Variants in MALRD1 observed in about 807,000 individuals in gnomAD.
The protein encoded by MALRD1 is MAM and LDL receptor class A domain containing 1, also known as MAM and LDL-receptor class A domain-containing protein 1.
A neutral mutation model predicts 242.1 loss-of-function variants in MALRD1; 247 were observed. The observed-to-expected ratio is 1.02, with a 90% confidence interval of 0.92 to 1.13. The LOEUF (loss-of-function observed/expected upper bound fraction) is 1.13. Among genes scored for constraint, MALRD1 ranks in the 50% most tolerant of loss-of-function variants. The pLI is 0.00. For synonymous variants in MALRD1, 995 were observed against 866.6 expected (o/e 1.15, Z -2.60); for missense variants, 2,989 against 2,533.1 (o/e 1.18, Z -3.86).
intron 19 of MALRD1, among the ~76,000 whole-genome samples, chr10:19,264,487 T>G (rs1468253467): frequency 6.7e-6 from 1 of 150,334 alleles, no homozygotes; most frequent in Non-Finnish European, 1.5e-5. Context: ...GGAGTCTTGC[T>G]CTGTCGCCCA....
chr10:19,050,860 G>A (rs1336973748), intron 1 of MALRD1, among the ~76,000 whole-genome samples: 3 of 152,162 alleles, frequency 2.0e-5, no homozygotes, highest in African/African-American at 4.8e-5. Flanking sequence ...CTGTGATAAC[G>A]TGCATGGTCC....
At chr10:19,573,612 C>T (rs565262351) in intron 33 of MALRD1, among the ~76,000 whole-genome samples, 20 of 152,086 alleles carry the variant, frequency 1.3e-4, no homozygotes, top group East Asian at 3.9e-4. Flanking sequence ...ATTTTCCTTA[C>T]GCTTACTACT....
At chr10:19,546,391 A>G (rs1835208545) in intron 32 of MALRD1, among the ~76,000 whole-genome samples, 1 of 152,182 alleles carries the variant, frequency 6.6e-6, no homozygotes. Context: ...CGTAAGGGAC[A>G]TTGCATCATT....
intron 18 of MALRD1, among the ~76,000 whole-genome samples, chr10:19,225,937 T>A (rs1405909560): frequency 6.6e-6 from 1 of 152,180 alleles, no homozygotes; most frequent in Non-Finnish European, 1.5e-5. Context: ...CTGCCACAGG[T>A]AATGACAGCT....
chr10:19,309,826 C>A (rs1842355156), intron 21 of MALRD1, among the ~76,000 whole-genome samples: 1 of 151,342 alleles, frequency 6.6e-6, no homozygotes, highest in Admixed American at 6.6e-5. Flanking sequence ...TTAATTAGGG[C>A]CCAGGCGGGA....
intron 4 of MALRD1, among the ~76,000 whole-genome samples, chr10:19,102,088 ATAT>A (rs924758579): frequency 2.1e-4 from 30 of 143,912 alleles, no homozygotes; most frequent in East Asian, 1.2e-3. Context: ...ATGGTATAAC[ATAT>A]TATTATATCA....
chr10:19,601,724 T>A (rs1039781496), intron 34 of MALRD1, among the ~76,000 whole-genome samples: 5 of 152,050 alleles, frequency 3.3e-5, no homozygotes, highest in African/African-American at 1.2e-4. Context: ...AACAGTCAAC[T>A]TGAAAATAAG....
intron 38 of MALRD1, among the ~76,000 whole-genome samples, chr10:19,712,166 T>G (rs2131875827): frequency 6.6e-6 from 1 of 152,262 alleles, no homozygotes; most frequent in Non-Finnish European, 1.5e-5. Context: ...TTGGGTCAGC[T>G]TCAGAATTGC....
chr10:19,335,273 T>A (rs1843557653), intron 24 of MALRD1, among the ~76,000 whole-genome samples: 1 of 150,868 alleles, frequency 6.6e-6, no homozygotes, highest in South Asian at 2.1e-4. Context: ...TTCCAAATAA[T>A]GCATAGGAAA....
chr10:19,297,252 G>A (rs1022575253), intron 21 of MALRD1, among the ~76,000 whole-genome samples: 6 of 151,550 alleles, frequency 4.0e-5, no homozygotes, highest in Non-Finnish European at 8.8e-5. Flanking sequence ...TACAAGTTCT[G>A]TGAACTTTGT....
rs745829054 is a variant in MALRD1 at position 19,387,571 on chromosome 10, C to G, written c.4485C>G (p.Cys1495Trp). ...LGYRECHNGK[C>W]YRLEQSCNFV... ...ATAGGGAATGTCATAATGGAAAATGCTATAGGCTGGAACAAAGCTGTAACT... is the reference window on the plus strand; with the variant it reads ...ATAGGGAATGTCATAATGGAAAATGGTATAGGCTGGAACAAAGCTGTAACT... The change falls in exon 27 of 40, where the codon TGC (cysteine) becomes TGG (tryptophan). Residue 1495 changes from cysteine to tryptophan, a missense_variant. Cys to Trp is a radical substitution (Grantham distance 215). Transcript: ENST00000454679. 20 of 1,550,358 alleles carry G rather than the reference C, an allele frequency of 1.3e-5. No individual in the cohort carries two copies. In the South Asian group the frequency reaches 1.8e-4, roughly 14 times the overall value.
chr10:19,288,508 AT>A (rs1335722206), intron 21 of MALRD1, among the ~76,000 whole-genome samples: 7 of 151,450 alleles, frequency 4.6e-5, no homozygotes, highest in African/African-American at 1.7e-4. Context: ...TTTTCTTTAC[AT>A]TTTTCCTTGT....
intron 18 of MALRD1, among the ~76,000 whole-genome samples, chr10:19,242,387 T>C (rs1425380725): frequency 1.3e-5 from 2 of 152,138 alleles, no homozygotes; most frequent in Non-Finnish European, 2.9e-5. Context: ...TGGGTGGGGA[T>C]ATACAGCCAA....
At chr10:19,654,281 C>G (rs1430377871) in intron 36 of MALRD1, among the ~76,000 whole-genome samples, 1 of 148,440 alleles carries the variant, frequency 6.7e-6, no homozygotes, top group African/African-American at 2.6e-5. Flanking sequence ...ACAATTTTAT[C>G]AAAAAAGTGG....
rs188330499 is a variant in MALRD1, at chr10:19,614,237, C to T, written c.6071-1620C>T. Among the ~76,000 whole-genome samples, 314 of 152,148 alleles carry T rather than the reference C, an allele frequency of 2.1e-3. 2 individuals are homozygous for T. Among genetic ancestry groups the T allele is most frequent in the African/African-American group, 6.2e-3 (257 of 41,554 alleles). On this transcript the variant is annotated intron_variant, in intron 35 of 39. Coordinates refer to ENST00000454679, the MANE Select transcript of MALRD1 (RefSeq NM_001142308.3). Reference sequence around the variant, plus strand: ...ATTAACTACCTTACCCAATACTACTCAGCTAATAAATTGAGCTGAGAAGAG... The same window carrying T: ...ATTAACTACCTTACCCAATACTACTTAGCTAATAAATTGAGCTGAGAAGAG...
intron 7 of MALRD1, among the ~76,000 whole-genome samples, chr10:19,127,662 A>G (rs1837325202): frequency 6.6e-6 from 1 of 152,184 alleles, no homozygotes; most frequent in Non-Finnish European, 1.5e-5. Context: ...TCAGATGGGG[A>G]AAAATTTATT....
intron 34 of MALRD1, 41 bp downstream of exon 34, chr10:19,595,498 G>C (rs951889153): frequency 3.3e-6 from 5 of 1,521,566 alleles, no homozygotes; most frequent in African/African-American, 2.8e-5. Flanking sequence ...GGGAAGGCAT[G>C]CTGCTTTAAA....
chr10:19,531,267 C>T lies in MALRD1; in HGVS notation c.5394C>T (p.Ser1798=). The T allele has an allele frequency of 6.4e-7, 1 of 1,550,438 alleles. No individual in the cohort carries two copies. Among genetic ancestry groups the T allele is most frequent in the Non-Finnish European group, 8.7e-7 (1 of 1,146,908 alleles). Residue 1798 remains serine (S), a synonymous_variant, in exon 32 of 40, where the codon TCC becomes TCT. Coordinates refer to ENST00000454679, the MANE Select transcript of MALRD1 (RefSeq NM_001142308.3). Reference sequence around the variant, plus strand: ...GATCCGTTGCCAGAATTACTACTTCCAAATCCTTCCCAGCAAGCCTTGGAA... The same window carrying T: ...GATCCGTTGCCAGAATTACTACTTCTAAATCCTTCCCAGCAAGCCTTGGAA... ...KEGSVARITT[S]KSFPASLGMC... is the part of the protein sequence containing the mutation.
At chr10:19,135,148 T>C (rs894046138) in intron 9 of MALRD1, among the ~76,000 whole-genome samples, 22 of 152,100 alleles carry the variant, frequency 1.4e-4, no homozygotes, top group African/African-American at 3.6e-4. Flanking sequence ...CAAACAAATA[T>C]ATATCCCTCG....
Sources: allele counts gnomAD v4.1 joint callset (sites outside exome capture counted in the v4.1 genomes callset), GRCh38; gene constraint gnomAD v4.1.1; transcripts MANE v1.5; gene names NCBI Gene and HGNC (gene_info 2026-07-23, HGNC 2026-07-21).